The following P2RX1 variants were observed in gnomAD, a reference collection of about 807,000 sequenced individuals.
P2RX1 encodes purinergic receptor P2X 1, also known as P2X purinoceptor 1.
Under a neutral mutation model 50.3 loss-of-function variants are expected in P2RX1, and 42 were observed. The observed-to-expected ratio is 0.83, with a 90% CI of 0.65 to 1.08. The LOEUF (loss-of-function observed/expected upper bound fraction) is 1.08. P2RX1 is among the 50% of genes least tolerant of loss of function. P2RX1 has a pLI of 0.00. For synonymous variants in P2RX1, 199 were observed against 202.6 expected (o/e 0.98, Z 0.15); for missense variants, 449 against 529.0 (o/e 0.85, Z 1.48).
chr17:3,898,685 G>A, intron 9 of P2RX1, 136 bp from the exon 10 acceptor site: 2 of 765,714 alleles, frequency 2.6e-6, no homozygotes, highest in African/African-American at 1.7e-5. Flanking sequence ...TGGGCCACCA[G>A]CTGCTGGTCA....
chr17:3,906,373 C>T (rs181103879), intron 1 of P2RX1, among the ~76,000 whole-genome samples: 16 of 152,262 alleles, frequency 1.1e-4, no homozygotes, highest in African/African-American at 2.4e-4. Flanking sequence ...CCTAGTGATC[C>T]GCCCGCCTCG....
intron 2 of P2RX1, 49 bp downstream of exon 2, chr17:3,905,171 C>T (rs1200990853): frequency 8.7e-6 from 14 of 1,603,674 alleles, no homozygotes; most frequent in East Asian, 4.5e-5. Context: ...TCCCACCCAA[C>T]TCTGAGACAG....
At position 3,916,376 on chromosome 17, in the gene P2RX1, A is replaced by G. The variant is rs2052411323; in HGVS notation, c.-151T>C. ...GGCGGTGCAGGTGGAGCCAGAGGAC[A>G]GGAGCCAGAGGTCAGCTGGAGGCAC... On this transcript the variant is annotated 5_prime_UTR_variant, in exon 1 of 12. Coordinates refer to ENST00000225538, the MANE Select transcript of P2RX1 (RefSeq NM_002558.4). 1.3e-6 allele frequency: 1 copy of G among 797,422 alleles called. No homozygotes were observed. Among genetic ancestry groups the G allele is most frequent in the Non-Finnish European group, 2.0e-6 (1 of 503,900 alleles). 49.4% of individuals were successfully genotyped at this position (797,422 alleles called of 1,614,324 possible). A position where few individuals can be genotyped will look rare whatever the true frequency, so the allele number is the denominator to read the frequency against.
chr17:3,904,090 C>T, intron 4 of P2RX1, 66 bp from the exon 5 acceptor site: 1 of 1,291,458 alleles, frequency 7.7e-7, no homozygotes, highest in South Asian at 1.2e-5. Context: ...GACCCCTTCT[C>T]CAGGAGCTCC....
At chr17:3,902,878 G>A (rs576842475) in intron 7 of P2RX1, among the ~76,000 whole-genome samples, 9 of 151,794 alleles carry the variant, frequency 5.9e-5, no homozygotes, top group African/African-American at 1.7e-4. Flanking sequence ...CAAAGTGCTG[G>A]GATTATAGGC....
chr17:3,906,423 A>G (rs1216006054), intron 1 of P2RX1, among the ~76,000 whole-genome samples: 3 of 152,190 alleles, frequency 2.0e-5, no homozygotes, highest in African/African-American at 4.8e-5. Context: ...GAGCCACCGC[A>G]CCCGGCCAAC....
chr17:3,906,343 G>C (rs1186787063), intron 1 of P2RX1, among the ~76,000 whole-genome samples: 1 of 152,176 alleles, frequency 6.6e-6, no homozygotes, highest in Non-Finnish European at 1.5e-5. Context: ...GTGTTGGCCA[G>C]GATGTTCTCG....
At chr17:3,902,584 C>A (rs1485170746) in intron 7 of P2RX1, among the ~76,000 whole-genome samples, 1 of 151,698 alleles carries the variant, frequency 6.6e-6, no homozygotes, top group Non-Finnish European at 1.5e-5. Flanking sequence ...GCGTGAACCA[C>A]TGTGCCCGGC....
chr17:3,905,392 A>C, intron 1 of P2RX1, 25 bp from the exon 2 acceptor site: 1 of 1,612,224 alleles, frequency 6.2e-7, no homozygotes, highest in Non-Finnish European at 8.5e-7. Context: ...ACAGAGGGGG[A>C]GTTGTGGTTG....
At chr17:3,915,664 G>A (rs1383719553) in intron 1 of P2RX1, 6 of 460,468 alleles carry the variant, frequency 1.3e-5, no homozygotes, top group Admixed American at 9.4e-5. Flanking sequence ...TGGCAGCAGA[G>A]TCTGTCTCTC....
rs113702333 is a variant in P2RX1 at position 3,897,071 on chromosome 17, C to T, written c.*743G>A. The T allele has an allele frequency of 1.3e-5, 2 of 153,148 alleles. No individual in the cohort carries two copies. Among genetic ancestry groups the T allele is most frequent in the Non-Finnish European group, 2.9e-5 (2 of 68,748 alleles). 9.5% of individuals were successfully genotyped at this position (153,148 alleles called of 1,614,324 possible). ...CTCAGGGCTAAGTCTGACTCCCGCT[C>T]AGGAGCTTAGAGTCAGAAAGTTCGA... is the stretch of plus-strand genomic sequence containing the variant. On this transcript the variant is annotated 3_prime_UTR_variant, in exon 12 of 12. Coordinates refer to ENST00000225538, the MANE Select transcript of P2RX1 (RefSeq NM_002558.4).
chr17:3,912,337 A>T (rs893178718), intron 1 of P2RX1, among the ~76,000 whole-genome samples: 4 of 147,688 alleles, frequency 2.7e-5, no homozygotes, highest in Non-Finnish European at 4.5e-5. Flanking sequence ...TTGTTTTTTT[A>T]TTTTTTTTTT....
chr17:3,900,820 G>T (rs1005112355), intron 7 of P2RX1, among the ~76,000 whole-genome samples: 3 of 152,178 alleles, frequency 2.0e-5, no homozygotes, highest in Non-Finnish European at 4.4e-5. Context: ...CCTGGCACAG[G>T]TCACAGTGTG....
intron 7 of P2RX1, among the ~76,000 whole-genome samples, chr17:3,901,857 G>A (rs911126467): frequency 2.0e-5 from 3 of 152,164 alleles, no homozygotes; most frequent in Admixed American, 6.5e-5. Context: ...CGCACACCGC[G>A]TCAACTCACT....
At chr17:3,910,583 C>A (rs984203047) in intron 1 of P2RX1, among the ~76,000 whole-genome samples, 1 of 152,204 alleles carries the variant, frequency 6.6e-6, no homozygotes, top group South Asian at 2.1e-4. Context: ...GGTGCGGGGG[C>A]AGCTCTGGCA....
intron 1 of P2RX1, among the ~76,000 whole-genome samples, chr17:3,908,288 C>T (rs548034415): frequency 2.6e-4 from 40 of 152,292 alleles, no homozygotes; most frequent in Non-Finnish European, 4.7e-4. Context: ...GGGCTGGGCG[C>T]GGTGGCTCAT....
Position 3,904,576 on chromosome 17 carries a change from G to GC in P2RX1, c.358-178dup, listed in dbSNP as rs560662620. Reference sequence around the variant, plus strand: ...TCCCCCCACACTGCTCTGCCGAGGCGCCCCCCGGGCTCATGCCCAGCTGCC... The same window carrying GC: ...TCCCCCCACACTGCTCTGCCGAGGCGCCCCCCCGGGCTCATGCCCAGCTGCC... On this transcript the variant is annotated intron_variant, in intron 3 of 11. Transcript: ENST00000225538. 765 of 671,824 alleles carry GC rather than the reference G, an allele frequency of 1.1e-3. 9 individuals are homozygous for GC. The African/African-American group carries it at 0.012, about 11-fold the overall frequency. 41.6% of individuals were successfully genotyped at this position (671,824 alleles called of 1,614,324 possible).
Position 3,903,820 on chromosome 17 carries a change from G to A in P2RX1, c.524+108C>T. 1 of 1,128,598 alleles carries A rather than the reference G, an allele frequency of 8.9e-7. No homozygotes were observed. Among genetic ancestry groups the A allele is most frequent in the Non-Finnish European group, 1.3e-6 (1 of 748,754 alleles). The allele number at this position is 1,128,598 out of a possible 1,614,324, so 69.9% of individuals were successfully genotyped here. A position where few individuals can be genotyped will look rare whatever the true frequency, so the allele number is the denominator to read the frequency against. ...ATCTTCAGCCTAGGTTGCGCGGATG[G>A]GGTGAGGGTGGGGTCAGAAAAAGGG... On this transcript the variant is annotated intron_variant, in intron 5 of 11. Coordinates refer to ENST00000225538, the MANE Select transcript of P2RX1 (RefSeq NM_002558.4). This position sits in a 1 kb window ranked among gnomAD's most constrained non-coding sequence, Gnocchi z 4.6.
chr17:3,915,284 G>A (rs1288481437), intron 1 of P2RX1: 5 of 365,340 alleles, frequency 1.4e-5, no homozygotes, highest in Non-Finnish European at 2.7e-5. Context: ...GCAGACATGG[G>A]CACAGCCATA....
Sources: allele counts gnomAD v4.1 joint callset (sites outside exome capture counted in the v4.1 genomes callset), GRCh38; gene constraint gnomAD v4.1.1; non-coding constraint Gnocchi (gnomAD v3.1); transcripts MANE v1.5; gene names NCBI Gene and HGNC (gene_info 2026-07-23, HGNC 2026-07-21).